Variants in MYOC observed in about 807,000 individuals in gnomAD.
MYOC encodes juvenile-onset open-angle glaucoma 1.
A neutral mutation model predicts 28.2 loss-of-function variants in MYOC; 29 were observed. The ratio of observed to expected loss-of-function variants is 1.03; its 90% confidence interval spans 0.77 to 1.40. The LOEUF (loss-of-function observed/expected upper bound fraction) is 1.40, where lower values mean the gene tolerates loss of function less well. Among genes scored for constraint, MYOC ranks in the 40% most tolerant of loss-of-function variants. The pLI is 0.00. For synonymous variants in MYOC, 240 were observed against 245.6 expected, an observed-to-expected ratio of 0.98 and a Z score of 0.21; for missense variants, 569 against 620.6, an observed-to-expected ratio of 0.92 and a Z score of 0.88.
chr1:171,643,705 G>T (rs1164836270), intron 1 of MYOC, among the ~76,000 whole-genome samples: 1 of 152,166 alleles, frequency 6.6e-6, no homozygotes, highest in Non-Finnish European at 1.5e-5. Flanking sequence ...GGGCATGGTG[G>T]CTCACGCCTG....
At chr1:171,638,179 C>T (rs1245260608) in intron 2 of MYOC, among the ~76,000 whole-genome samples, 1 of 152,202 alleles carries the variant, frequency 6.6e-6, no homozygotes, top group Non-Finnish European at 1.5e-5. Flanking sequence ...AGAAAACATA[C>T]TGTTAGTAAC....
In MYOC at chr1:171,636,579, T is replaced by G; in HGVS notation, c.861A>C (p.Arg287Ser). 6.2e-7 allele frequency: 1 copy of G among 1,610,988 alleles called. No homozygotes were observed. Among genetic ancestry groups the G allele is most frequent in the South Asian group, 1.1e-5 (1 of 90,956 alleles). Residue 287 changes from arginine to serine, a missense_variant, in exon 3 of 3, where the codon AGA (arginine) becomes AGC (serine). By Grantham distance (110) the Arg-to-Ser change is moderately radical. Transcript: ENST00000037502. The stretch of plus-strand genomic sequence containing the variant: ...GGACATCCGTGCCAACTGTGTCGAT[T>G]CTCCACGTGGTCTCCTGGGTGTAGG... ...TYPYTQETTW[R>S]IDTVGTDVRQ...
intron 1 of MYOC, among the ~76,000 whole-genome samples, chr1:171,644,763 A>G (rs960015960): frequency 1.3e-5 from 2 of 152,168 alleles, no homozygotes; most frequent in Non-Finnish European, 2.9e-5. Flanking sequence ...ACTACTTATT[A>G]AGTGTCTCTT....
intron 1 of MYOC, among the ~76,000 whole-genome samples, chr1:171,646,165 A>G (rs1653196439): frequency 6.6e-6 from 1 of 152,182 alleles, no homozygotes; most frequent in South Asian, 2.1e-4. Flanking sequence ...GCAGGGAAAC[A>G]ATCTCGTAAA....
At chr1:171,637,742 A>T (rs1652963468) in intron 2 of MYOC, among the ~76,000 whole-genome samples, 1 of 151,626 alleles carries the variant, frequency 6.6e-6, no homozygotes, top group South Asian at 2.1e-4. Context: ...CCTCCCAAGT[A>T]GCTGGGATTA....
intron 1 of MYOC, among the ~76,000 whole-genome samples, chr1:171,649,949 T>C (rs1653313795): frequency 6.6e-6 from 1 of 152,186 alleles, no homozygotes. Context: ...CGGATGCTCA[T>C]TAGGTCCCTT....
chr1:171,643,828 G>A (rs956068721), intron 1 of MYOC, among the ~76,000 whole-genome samples: 18 of 151,968 alleles, frequency 1.2e-4, no homozygotes, highest in South Asian at 2.1e-4. Context: ...AAAATTAGCC[G>A]GGCATAGTGG....
chr1:171,636,640 T>C lies in MYOC; in HGVS notation c.800A>G (p.Tyr267Cys), dbSNP rs760721972. ...CTTGGGGTCTCGCATCCACACACCATACTTGCCAGTAATTGTTTCTGCTGT... is the reference window on the plus strand; with the variant it reads ...CTTGGGGTCTCGCATCCACACACCACACTTGCCAGTAATTGTTTCTGCTGT... ...LRTAETITGK[Y>C]GVWMRDPKPT... The change falls in exon 3 of 3, where the codon TAT becomes TGT. Residue 267 changes from tyrosine (Y) to cysteine (C), a missense_variant. Transcript: ENST00000037502. 3.7e-6 allele frequency: 6 copies of C among 1,611,410 alleles called. No homozygotes were observed. In the African/African-American group the frequency reaches 5.3e-5, roughly 14 times the overall value.
At chr1:171,638,515 C>G in intron 2 of MYOC, 82 bp downstream of exon 2, 1 of 1,559,262 alleles carries the variant, frequency 6.4e-7, no homozygotes, top group South Asian at 1.1e-5. Flanking sequence ...TGGGCATTTA[C>G]CCTATACTGA....
intron 1 of MYOC, among the ~76,000 whole-genome samples, chr1:171,645,058 AC>A (rs1328370655): frequency 6.6e-6 from 1 of 152,170 alleles, no homozygotes; most frequent in Non-Finnish European, 1.5e-5. Context: ...TGTCTGAAGA[AC>A]AAGAGCTTTG....
rs758257704 is a variant in MYOC at position 171,636,425 on chromosome 1, C to T, written c.1015G>A (p.Ala339Thr). ...VYSGSLYFQG[A>T]ESRTVIRYEL... The stretch of plus-strand genomic sequence containing the variant: ...TATCTTATGACAGTTCTGGACTCAG[C>T]GCCCTGGAAATAGAGGCTCCCCGAG... Residue 339 changes from alanine (A) to threonine (T), a missense_variant, in exon 3 of 3, where the codon GCT becomes ACT. Transcript: ENST00000037502. 1.5e-5 allele frequency: 25 copies of T among 1,614,130 alleles called. No homozygotes were observed. The highest frequency in any genetic ancestry group is 4.4e-5 in the South Asian group (4 of 91,076).
At chr1:171,637,668 A>G (rs942311558) in intron 2 of MYOC, among the ~76,000 whole-genome samples, 2 of 151,338 alleles carry the variant, frequency 1.3e-5, no homozygotes, top group Admixed American at 1.3e-4. Context: ...GCTGGAGGGC[A>G]GTGGTGTGAT....
chr1:171,646,235 G>A (rs183136173), intron 1 of MYOC, among the ~76,000 whole-genome samples: 34 of 152,344 alleles, frequency 2.2e-4, no homozygotes, highest in African/African-American at 8.2e-4. Flanking sequence ...TGTCCCAGCT[G>A]TGTGACTTTG....
rs1394606565 is a variant in MYOC, at chr1:171,636,390, A to G, written c.1050T>C (p.Asn350=). The G allele has an allele frequency of 1.2e-6, 2 of 1,613,994 alleles. No homozygotes were observed. Among genetic ancestry groups the G allele is most frequent in the Non-Finnish European group, 1.7e-6 (2 of 1,179,992 alleles). The change falls in exon 3 of 3, where the codon AAT becomes AAC. Residue 350 remains asparagine, a synonymous_variant. Coordinates refer to ENST00000037502, the MANE Select transcript of MYOC (RefSeq NM_000261.2). ...ESRTVIRYEL[N]TETVKAEKEI... ...CCTTCTCAGCCTTCACTGTCTCGGTATTCAGCTCATATCTTATGACAGTTC... is the reference window on the plus strand; with the variant it reads ...CCTTCTCAGCCTTCACTGTCTCGGTGTTCAGCTCATATCTTATGACAGTTC...
At position 171,652,473 on chromosome 1, in the gene MYOC, ATCGGCCAC is replaced by A; in HGVS notation, c.131_138del (p.Ser44MetfsTer12). The A allele has an allele frequency of 6.2e-7, 1 of 1,614,240 alleles. No individual in the cohort carries two copies. The highest frequency in any genetic ancestry group is 8.5e-7 in the Non-Finnish European group (1 of 1,180,056). On this transcript the variant is annotated frameshift_variant, in exon 1 of 3. Transcript: ENST00000037502. LOFTEE classifies it high-confidence loss of function. Reference sequence around the variant, plus strand: ...CTGGCCACACTGAAGGTATACTGGCATCGGCCACTCTGGTCATTGGCCTTCCTGAGCTG... The same window carrying A: ...CTGGCCACACTGAAGGTATACTGGCATCTGGTCATTGGCCTTCCTGAGCTG...
At chr1:171,645,638 C>T (rs568676141) in intron 1 of MYOC, among the ~76,000 whole-genome samples, 14 of 152,354 alleles carry the variant, frequency 9.2e-5, no homozygotes, top group Admixed American at 5.9e-4. Flanking sequence ...CCCGACTGGA[C>T]CCAGATGGCT....
chr1:171,649,026 T>C (rs957542110), intron 1 of MYOC, among the ~76,000 whole-genome samples: 2 of 151,446 alleles, frequency 1.3e-5, no homozygotes, highest in East Asian at 1.9e-4. Context: ...CTATTATATA[T>C]ACATAAAATT....
At chr1:171,639,227 T>C (rs996467004) in intron 1 of MYOC, among the ~76,000 whole-genome samples, 5 of 152,188 alleles carry the variant, frequency 3.3e-5, no homozygotes, top group African/African-American at 1.2e-4. Flanking sequence ...CTGATAACAG[T>C]TGGGCCTGAG....
At chr1:171,647,662 G>C (rs1301897610) in intron 1 of MYOC, among the ~76,000 whole-genome samples, 1 of 152,240 alleles carries the variant, frequency 6.6e-6, no homozygotes, top group Admixed American at 6.5e-5. Flanking sequence ...TAATTTGCAT[G>C]ATGACTCCCA....
Sources: gnomAD v4.1 joint callset for allele counts (sites outside exome capture counted in the v4.1 genomes callset) on GRCh38, gnomAD v4.1.1 for gene constraint, MANE v1.5 for transcripts, NCBI Gene and HGNC (gene_info 2026-07-23, HGNC 2026-07-21) for gene names.